The following LCORL variants were observed in gnomAD, a reference collection of about 807,000 sequenced individuals.
The protein encoded by LCORL is ligand-dependent nuclear receptor corepressor-like protein.
LCORL carries 41 observed loss-of-function variants against 141.8 expected under a neutral mutation model. That is an observed-to-expected ratio of 0.29 (90% CI 0.23 to 0.38). The LOEUF is 0.38. Among genes scored for constraint, LCORL ranks in the 10% least tolerant of loss-of-function variants. LCORL has a pLI of 1.00. For synonymous variants in LCORL, 618 were observed against 694.1 expected (o/e 0.89, Z 1.72); for missense variants, 1,759 against 2,035.0 (o/e 0.86, Z 2.61).
chr4:17,841,327 T>C (rs1321392602), exon 8 of LCORL: 1 of 152,052 alleles, frequency 6.6e-6, no homozygotes, highest in Non-Finnish European at 1.5e-5. Flanking sequence ...CAACCATGAT[T>C]TTGATTTTAG....
rs972685182 is a variant in LCORL at position 18,005,002 on chromosome 4, C to T, written c.154+16596G>A. 1.6e-4 allele frequency among the ~76,000 whole-genome samples: 25 copies of T among 151,998 alleles called. 1 individual carries two copies. Among genetic ancestry groups the T allele is most frequent in the Non-Finnish European group, 2.5e-4 (17 of 68,004 alleles). The stretch of plus-strand genomic sequence containing the variant: ...CAATGATCTTGGCTCACTGCAACCT[C>T]CACCTCCTGGGTTCAAGCAATTCTC... On this transcript the variant is annotated intron_variant, in intron 1 of 7. Transcript: ENST00000635767.
intron 3 of LCORL, among the ~76,000 whole-genome samples, chr4:17,962,255 CAAA>C (rs369162765): frequency 1.2e-4 from 14 of 114,844 alleles, no homozygotes; most frequent in South Asian, 1.1e-3. Flanking sequence ...AAACTACAGT[CAAA>C]AAAAAAAAAA....
intron 4 of LCORL, among the ~76,000 whole-genome samples, chr4:17,925,366 A>G (rs920063079): frequency 6.6e-6 from 1 of 152,182 alleles, no homozygotes; most frequent in African/African-American, 2.4e-5. Flanking sequence ...CAGAAGCCCA[A>G]TCCAGGCAGG....
At chr4:17,872,895 A>C (rs1726523384) in intron 7 of LCORL, among the ~76,000 whole-genome samples, 1 of 152,126 alleles carries the variant, frequency 6.6e-6, no homozygotes, top group African/African-American at 2.4e-5. Context: ...TGAGATTAGG[A>C]TTATCCTAGG....
chr4:18,021,759 CCGCGTCA>C lies in LCORL; in HGVS notation c.-15_-9del. The C allele has an allele frequency of 6.7e-7, 1 of 1,487,300 alleles. No individual in the cohort carries two copies. The allele number at this position is 1,487,300 out of a possible 1,614,324, so 92.1% of individuals were successfully genotyped here. A position where few individuals can be genotyped will look rare whatever the true frequency, so the allele number is the denominator to read the frequency against. On this transcript the variant is annotated 5_prime_UTR_variant, in exon 1 of 8. Coordinates refer to ENST00000635767, the Ensembl canonical transcript of LCORL. This position sits in a 1 kb window ranked among gnomAD's most constrained non-coding sequence, Gnocchi z 5.5. ...CTCTCTTCCCTTGTCCATCTGCGTCCCGCGTCACGCGCCCTCATTTACATACGAGCAG... is the reference window on the plus strand; with the variant it reads ...CTCTCTTCCCTTGTCCATCTGCGTCCCGCGCCCTCATTTACATACGAGCAG...
intron 4 of LCORL, among the ~76,000 whole-genome samples, chr4:17,928,671 T>C (rs996565407): frequency 2.6e-5 from 4 of 152,170 alleles, no homozygotes; most frequent in African/African-American, 4.8e-5. Context: ...CCAGAATGCT[T>C]TGTCAGGAAC....
At chr4:17,950,925 A>G (rs1161319505) in intron 4 of LCORL, among the ~76,000 whole-genome samples, 2 of 152,210 alleles carry the variant, frequency 1.3e-5, no homozygotes, top group African/African-American at 2.4e-5. Context: ...CCAGGAGCTG[A>G]AAAAGTGCAA....
At chr4:18,002,189 T>C (rs16896236) in intron 1 of LCORL, among the ~76,000 whole-genome samples, 37,007 of 152,092 alleles carry the variant, frequency 0.24, 5,851 homozygotes, top group African/African-American at 0.45. Flanking sequence ...CACTGTTAAT[T>C]TGGTGGCTCT....
At chr4:17,897,380 T>C (rs1185261687) in intron 5 of LCORL, among the ~76,000 whole-genome samples, 1 of 151,854 alleles carries the variant, frequency 6.6e-6, no homozygotes, top group Non-Finnish European at 1.5e-5. Flanking sequence ...TCTGATTCTG[T>C]TGTTTGATTC....
At chr4:17,972,226 C>G (rs1283476751) in intron 2 of LCORL, among the ~76,000 whole-genome samples, 1 of 151,716 alleles carries the variant, frequency 6.6e-6, no homozygotes, top group Non-Finnish European at 1.5e-5. Flanking sequence ...TCTATAAATT[C>G]CTCATTTAAA....
intron 4 of LCORL, among the ~76,000 whole-genome samples, chr4:17,954,849 G>T (rs1205093214): frequency 6.6e-6 from 1 of 152,164 alleles, no homozygotes; most frequent in Non-Finnish European, 1.5e-5. Context: ...AAAAAGCTGG[G>T]GAAGGGAAAT....
intron 6 of LCORL, chr4:17,880,383 TA>T: frequency 1.2e-6 from 1 of 817,508 alleles, no homozygotes; most frequent in Non-Finnish European, 1.5e-6. Context: ...TATAAGGTTC[TA>T]AAATTGTATT....
At chr4:17,966,523 CAGAA>C (rs1714910423) in intron 2 of LCORL, among the ~76,000 whole-genome samples, 1 of 152,018 alleles carries the variant, frequency 6.6e-6, no homozygotes, top group South Asian at 2.1e-4. Context: ...CCTTCTGAAA[CAGAA>C]AGCACCAACC....
chr4:17,908,989 T>C (rs995522489), intron 5 of LCORL, 105 bp downstream of exon 5: 2 of 1,040,036 alleles, frequency 1.9e-6, no homozygotes, highest in South Asian at 1.9e-5. Flanking sequence ...TTAAAAGTCA[T>C]ATTACATCCA....
chr4:17,886,250 C>A (rs1212644895), intron 5 of LCORL, 89 bp from the exon 6 acceptor site: 1 of 741,402 alleles, frequency 1.3e-6, no homozygotes, highest in Non-Finnish European at 2.4e-6. Context: ...TGATCTAATT[C>A]ATAACACTAG....
At chr4:17,964,392 A>C (rs1316404841) in intron 2 of LCORL, among the ~76,000 whole-genome samples, 1 of 152,152 alleles carries the variant, frequency 6.6e-6, no homozygotes, top group African/African-American at 2.4e-5. Context: ...AATACTTTAT[A>C]AACTATGAAG....
intron 1 of LCORL, among the ~76,000 whole-genome samples, chr4:17,985,318 A>G (rs1718767745): frequency 6.6e-6 from 1 of 152,034 alleles, no homozygotes; most frequent in Non-Finnish European, 1.5e-5. Flanking sequence ...CAGGTCCTGA[A>G]TATCTTGTTA....
At chr4:17,842,077 A>T (rs770244468) in exon 8 of LCORL, 7 of 405,960 alleles carry the variant, frequency 1.7e-5, no homozygotes, top group Non-Finnish European at 3.2e-5. Context: ...AAATTTCCTT[A>T]TTTTCCCTTA....
chr4:17,852,004 T>C (rs1336767573), intron 7 of LCORL, among the ~76,000 whole-genome samples: 1 of 152,198 alleles, frequency 6.6e-6, no homozygotes, highest in Non-Finnish European at 1.5e-5. Flanking sequence ...TTTCTTGTGT[T>C]ATGAAAATCC....
Sources: allele counts gnomAD v4.1 joint callset (sites outside exome capture counted in the v4.1 genomes callset), GRCh38; gene constraint gnomAD v4.1.1; non-coding constraint Gnocchi (gnomAD v3.1); transcripts MANE v1.5; gene names NCBI Gene and HGNC (gene_info 2026-07-23, HGNC 2026-07-21).